The following ABAT variants were observed in gnomAD, a reference collection of about 807,000 sequenced individuals.
ABAT encodes 4-aminobutyrate aminotransferase, mitochondrial.
Under a neutral mutation model 64.6 loss-of-function variants are expected in ABAT, and 45 were observed. The observed-to-expected ratio is 0.70, with a 90% CI of 0.55 to 0.89. ABAT has a LOEUF of 0.89. ABAT is among the 40% of genes least tolerant of loss of function. The probability of loss-of-function intolerance (pLI) is 0.00; values close to 1 mark genes in which losing one functional copy is unlikely to be tolerated. For synonymous variants in ABAT, 297 were observed against 250.5 expected, an observed-to-expected ratio of 1.19 and a Z score of -1.75; for missense variants, 633 against 658.4, an observed-to-expected ratio of 0.96 and a Z score of 0.42.
intron 1 of ABAT, among the ~76,000 whole-genome samples, chr16:8,709,128 G>T (rs535461114): frequency 6.6e-6 from 1 of 152,090 alleles, no homozygotes; most frequent in Non-Finnish European, 1.5e-5. Flanking sequence ...TTAGTTTTAT[G>T]CTAATTTATT....
Position 8,746,114 on chromosome 16 carries a change from C to G in ABAT, c.168+16C>G. On this transcript the variant is annotated intron_variant, in intron 3 of 15. Transcript: ENST00000268251. ...TAGATCTCAGGTGAGTTGAGCACAC[C>G]TGAGTGGGGTATTTTGGAAAAGGGA... 1 of 1,598,606 alleles carries G rather than the reference C, an allele frequency of 6.3e-7. No individual in the cohort carries two copies. Among genetic ancestry groups the G allele is most frequent in the Non-Finnish European group, 8.6e-7 (1 of 1,167,024 alleles).
At chr16:8,773,103 T>TACACACACACACAC (rs1354262302) in intron 12 of ABAT, among the ~76,000 whole-genome samples, 186 bp downstream of exon 12, 2 of 51,468 alleles carry the variant, frequency 3.9e-5, no homozygotes, top group East Asian at 5.7e-4. Context: ...TCCCTAAAAC[T>TACACACACACACAC]ATACACACAC....
rs146099147 is a variant in ABAT, at chr16:8,751,726, A to T, written c.316+1187A>T. Among the ~76,000 whole-genome samples the T allele has an allele frequency of 9.9e-4, 151 of 152,226 alleles. No homozygotes were observed. In the East Asian group the frequency reaches 0.024, roughly 24 times the overall value. On this transcript the variant is annotated intron_variant, in intron 5 of 15. Transcript: ENST00000268251. Reference sequence around the variant, plus strand: ...AAGGAGGCAGCTGGAGTTATTATCAATCAACACACACAGCAGCTGGAAAAC... The same window carrying T: ...AAGGAGGCAGCTGGAGTTATTATCATTCAACACACACAGCAGCTGGAAAAC...
intron 1 of ABAT, among the ~76,000 whole-genome samples, chr16:8,689,310 T>C (rs2057528389): frequency 6.6e-6 from 1 of 152,212 alleles, no homozygotes; most frequent in African/African-American, 2.4e-5. Flanking sequence ...CATGTATGTG[T>C]TTCTATTCTC....
chr16:8,697,851 G>A (rs535419338), intron 1 of ABAT, among the ~76,000 whole-genome samples: 5 of 152,206 alleles, frequency 3.3e-5, no homozygotes, highest in Non-Finnish European at 7.4e-5. Flanking sequence ...TGGCCAGGCT[G>A]GTCGCAAACT....
In ABAT at chr16:8,776,263, G is replaced by A. The variant is rs1482819456; in HGVS notation, c.1123-81G>A. The A allele has an allele frequency of 8.1e-6, 13 of 1,596,476 alleles. No homozygotes were observed. In the East Asian group the frequency reaches 8.9e-5, roughly 11 times the overall value. Reference sequence around the variant, plus strand: ...ATTAGTTTCTCTCCTCTTCAAGAGAGGAGGCGGGGCGCCTGGGGTAAGTGA... The same window carrying A: ...ATTAGTTTCTCTCCTCTTCAAGAGAAGAGGCGGGGCGCCTGGGGTAAGTGA... On this transcript the variant is annotated intron_variant, in intron 13 of 15. Coordinates refer to ENST00000268251, the MANE Select transcript of ABAT (RefSeq NM_020686.6). The surrounding 1 kb of genome is among the most constrained non-coding windows in gnomAD (Gnocchi z 4.4).
Position 8,781,567 on chromosome 16 carries a change from T to C in ABAT, c.*137T>C, listed in dbSNP as rs1454269315. ...AGGGTGATTTGTGGGGAGGGAGCATTTTTGGTGGTCTTGGGGGAGGGGAGG... is the reference window on the plus strand; with the variant it reads ...AGGGTGATTTGTGGGGAGGGAGCATCTTTGGTGGTCTTGGGGGAGGGGAGG... On this transcript the variant is annotated 3_prime_UTR_variant, in exon 16 of 16. Coordinates refer to ENST00000268251, the MANE Select transcript of ABAT (RefSeq NM_020686.6). The surrounding 1 kb of genome is among the most constrained non-coding windows in gnomAD (Gnocchi z 4.5). The C allele has an allele frequency of 7.9e-7, 1 of 1,270,870 alleles. No homozygotes were observed. Among genetic ancestry groups the C allele is most frequent in the Non-Finnish European group, 1.1e-6 (1 of 897,314 alleles). The allele number at this position is 1,270,870 out of a possible 1,614,324, so 78.7% of individuals were successfully genotyped here. A position where few individuals can be genotyped will look rare whatever the true frequency, so the allele number is the denominator to read the frequency against.
intron 1 of ABAT, chr16:8,715,003 G>A (rs189010060): frequency 2.6e-3 from 401 of 152,276 alleles, no homozygotes; most frequent in Non-Finnish European, 4.2e-3. Flanking sequence ...ACTGCTTCCC[G>A]GAAATCTTTA....
intron 1 of ABAT, among the ~76,000 whole-genome samples, chr16:8,691,337 C>G (rs11075408): frequency 0.23 from 34,314 of 152,130 alleles, 4,367 homozygotes; most frequent in East Asian, 0.62. Context: ...ACCCCTTCAC[C>G]TGAACACTTG....
In ABAT at chr16:8,740,258, G is replaced by A. The variant is rs1440364912; in HGVS notation, c.70+4449G>A. Among the ~76,000 whole-genome samples the A allele has an allele frequency of 4.6e-5, 7 of 152,094 alleles. No individual in the cohort carries two copies. In the East Asian group the frequency reaches 1.2e-3, roughly 25 times the overall value. On this transcript the variant is annotated intron_variant, in intron 2 of 15. Coordinates refer to ENST00000268251, the MANE Select transcript of ABAT (RefSeq NM_020686.6). ...ACATACCTCCAGATTTAGCAGATTGGGATCCTATGTTTATTATCTCACAGT... is the reference window on the plus strand; with the variant it reads ...ACATACCTCCAGATTTAGCAGATTGAGATCCTATGTTTATTATCTCACAGT...
Position 8,711,770 on chromosome 16 carries a change from GGATGGATGGATGGGAA to G in ABAT, c.-41-23915_-41-23900del, listed in dbSNP as rs201968115. On this transcript the variant is annotated intron_variant, in intron 1 of 15. Transcript: ENST00000268251. ...TGGGTGGATGGATGGGAAGATGGAT[GGATGGATGGATGGGAA>G]GATGGATGGATGGATGGATGGATGG... Among the ~76,000 whole-genome samples, 423 of 138,478 alleles carry G rather than the reference GGATGGATGGATGGGAA, an allele frequency of 3.1e-3. 3 individuals carry two copies. Among genetic ancestry groups the G allele is most frequent in the African/African-American group, 4.0e-3 (147 of 36,886 alleles). The allele number at this position is 138,478 out of a possible 152,430, so 90.8% of individuals were successfully genotyped here.
In ABAT at chr16:8,752,096, T is replaced by G. The variant is rs545857485; in HGVS notation, c.316+1557T>G. Among the ~76,000 whole-genome samples, 10 of 152,350 alleles carry G rather than the reference T, an allele frequency of 6.6e-5. 1 individual carries two copies. The East Asian group carries it at 9.7e-4, about 15-fold the overall frequency. On this transcript the variant is annotated intron_variant, in intron 5 of 15. Coordinates refer to ENST00000268251, the MANE Select transcript of ABAT (RefSeq NM_020686.6). ...ACCCTGCTCAGAAGCCTGGAGCCTT[T>G]CCCTGAGACCCAGCCTTGGCTGTCC...
At chr16:8,733,148 G>T (rs1354218384) in intron 1 of ABAT, among the ~76,000 whole-genome samples, 1 of 149,478 alleles carries the variant, frequency 6.7e-6, no homozygotes, top group East Asian at 2.1e-4. Context: ...CCTCCCTCCC[G>T]GACGGGGTGG....
At position 8,781,114 on chromosome 16, in the gene ABAT, G is replaced by A. The variant is rs1346061891; in HGVS notation, c.1382-195G>A. The A allele has an allele frequency of 7.4e-6, 6 of 805,384 alleles. No individual in the cohort carries two copies. The African/African-American group carries it at 1.0e-4, about 14-fold the overall frequency. 49.9% of individuals were successfully genotyped at this position (805,384 alleles called of 1,614,324 possible). Reference sequence around the variant, plus strand: ...GAAGAGAATGATGGAGGAGATGAATGAGGGGAGAGAGAAAGGAAATGAAGA... The same window carrying A: ...GAAGAGAATGATGGAGGAGATGAATAAGGGGAGAGAGAAAGGAAATGAAGA... On this transcript the variant is annotated intron_variant, in intron 15 of 15. Coordinates refer to ENST00000268251, the MANE Select transcript of ABAT (RefSeq NM_020686.6). This position sits in a 1 kb window ranked among gnomAD's most constrained non-coding sequence, Gnocchi z 4.5.
intron 1 of ABAT, among the ~76,000 whole-genome samples, chr16:8,732,192 T>TATGACAGGAATCATGCAGTATCTGACC (rs1567291348): frequency 3.1e-4 from 2 of 6,424 alleles, no homozygotes; most frequent in African/African-American, 4.0e-4. Context: ...TTTAGGTTTT[T>TATGACAGGAATCATGCAGTATCTGACC]TTTGTTTTTT....
Position 8,768,201 on chromosome 16 carries a change from C to A in ABAT, c.612C>A (p.Gly204=), listed in dbSNP as rs779198838. Residue 204 remains glycine, a synonymous_variant, in exon 10 of 16, where the codon GGC becomes GGA. Transcript: ENST00000268251. ...LETCMINQAP[G]CPDYSILSFM... Reference sequence around the variant, plus strand: ...ATATTTCTTGGTTTTAGGCCCCTGGCTGCCCCGACTACAGCATCCTCTCCT... The same window carrying A: ...ATATTTCTTGGTTTTAGGCCCCTGGATGCCCCGACTACAGCATCCTCTCCT... The A allele has an allele frequency of 9.3e-6, 15 of 1,614,082 alleles. No individual in the cohort carries two copies. The East Asian group carries it at 2.9e-4, about 31-fold the overall frequency.
chr16:8,746,237 C>T, intron 3 of ABAT, 139 bp downstream of exon 3: 7 of 740,384 alleles, frequency 9.5e-6, no homozygotes, highest in South Asian at 1.5e-5. Flanking sequence ...CTGAGATACT[C>T]AATGAGGCCA....
chr16:8,688,854 G>A (rs1036812640), intron 1 of ABAT, among the ~76,000 whole-genome samples: 3 of 152,214 alleles, frequency 2.0e-5, no homozygotes, highest in Non-Finnish European at 4.4e-5. Flanking sequence ...AAGGCAGGTG[G>A]ATCACGAGGT....
intron 12 of ABAT, among the ~76,000 whole-genome samples, chr16:8,773,294 G>A (rs2060175457): frequency 6.6e-6 from 1 of 152,002 alleles, no homozygotes; most frequent in South Asian, 2.1e-4. Context: ...TGGGACTACA[G>A]GCACACGTCA....
Sources: allele counts gnomAD v4.1 joint callset (sites outside exome capture counted in the v4.1 genomes callset), GRCh38; gene constraint gnomAD v4.1.1; non-coding constraint Gnocchi (gnomAD v3.1); transcripts MANE v1.5; gene names NCBI Gene and HGNC (gene_info 2026-07-23, HGNC 2026-07-21).